The following TEX11 variants were observed in gnomAD, a reference collection of about 807,000 sequenced individuals.
The protein encoded by TEX11 is testis expressed 11.
Under a neutral mutation model 84.4 loss-of-function variants are expected in TEX11, and 7 were observed. The observed-to-expected ratio is 0.08, with a 90% CI of 0.05 to 0.16. The LOEUF (loss-of-function observed/expected upper bound fraction) is 0.16, where lower values mean the gene tolerates loss of function less well. Ranked by LOEUF, TEX11 falls within the 10% of genes least tolerant of loss-of-function variation. The pLI is 1.00. For missense variants in TEX11, 551 were observed against 660.5 expected (o/e 0.83, Z 1.82); for synonymous variants, 264 against 222.8 (o/e 1.18, Z -1.64).
chrX:70,764,272 C>A (rs111744366), intron 9 of TEX11, among the ~76,000 whole-genome samples: 1 of 111,614 alleles, frequency 9.0e-6, no homozygotes, highest in African/African-American at 3.3e-5. Context: ...TGAAAATTTT[C>A]TGGAAACAAA....
At chrX:70,669,334 G>A (rs985604665) in intron 16 of TEX11, among the ~76,000 whole-genome samples, 23 of 111,854 alleles carry the variant, frequency 2.1e-4, no homozygotes, top group African/African-American at 6.8e-4. Context: ...AAGGCTCTGT[G>A]ATTGCCTTCT....
intron 13 of TEX11, among the ~76,000 whole-genome samples, chrX:70,717,810 T>TA (rs982142579): frequency 8.9e-5 from 10 of 112,130 alleles, no homozygotes; most frequent in Non-Finnish European, 1.3e-4. Context: ...AAGCAGACTG[T>TA]AAAAAAATCC....
chrX:70,711,678 T>C (rs1361412427), intron 13 of TEX11, among the ~76,000 whole-genome samples: 2 of 111,987 alleles, frequency 1.8e-5, no homozygotes, highest in Non-Finnish European at 3.8e-5. Flanking sequence ...CTTTGTAGAT[T>C]CTGGATATTA....
At chrX:70,856,455 T>C (rs2091537106) in intron 5 of TEX11, among the ~76,000 whole-genome samples, 1 of 111,285 alleles carries the variant, frequency 9.0e-6, no homozygotes, top group Non-Finnish European at 1.9e-5. Flanking sequence ...GTGTAATATT[T>C]GCATATAACC....
chrX:70,584,333 T>C (rs2088824028), intron 25 of TEX11, among the ~76,000 whole-genome samples: 1 of 110,764 alleles, frequency 9.0e-6, no homozygotes, highest in Non-Finnish European at 1.9e-5. Flanking sequence ...GCACACAAAT[T>C]ACTAAATTGA....
chrX:70,813,449 T>G (rs954432107), intron 8 of TEX11, among the ~76,000 whole-genome samples: 1 of 111,673 alleles, frequency 9.0e-6, no homozygotes, highest in Non-Finnish European at 1.9e-5. Context: ...GGATGTATCT[T>G]GAAATAATAA....
chrX:70,782,719 C>T (rs930422003), intron 9 of TEX11, among the ~76,000 whole-genome samples: 1 of 96,494 alleles, frequency 1.0e-5, no homozygotes, highest in Non-Finnish European at 2.0e-5. Context: ...CAGTAAAGAT[C>T]AAAAAAGACA....
intron 9 of TEX11, among the ~76,000 whole-genome samples, chrX:70,749,779 A>C (rs1258981187): frequency 9.3e-6 from 1 of 107,401 alleles, no homozygotes; most frequent in Non-Finnish European, 1.9e-5. Context: ...AGCCCACTTG[A>C]TCATGGTGGA....
At chrX:70,761,241 C>G (rs1343676867) in intron 9 of TEX11, among the ~76,000 whole-genome samples, 1 of 111,591 alleles carries the variant, frequency 9.0e-6, no homozygotes, top group Non-Finnish European at 1.9e-5. Flanking sequence ...ACCATTTGAC[C>G]CAGCCATCCC....
chrX:70,529,764 T>C (rs2087860124), intron 29 of TEX11, 71 bp downstream of exon 29: 16 of 1,071,334 alleles, frequency 1.5e-5, no homozygotes, highest in Non-Finnish European at 2.0e-5. Context: ...GGTTGAGTCC[T>C]TGTGGAGAGC....
chrX:70,713,151 A>C (rs1306361625), intron 13 of TEX11, among the ~76,000 whole-genome samples: 1 of 111,673 alleles, frequency 9.0e-6, no homozygotes, highest in South Asian at 3.8e-4. Flanking sequence ...CCACTTGATC[A>C]TGGTGGAGAA....
chrX:70,601,989 C>A (rs1158526781), intron 24 of TEX11, among the ~76,000 whole-genome samples: 2 of 111,390 alleles, frequency 1.8e-5, no homozygotes, highest in African/African-American at 6.5e-5. Context: ...CCCCACCCTT[C>A]CCGCCTTTCT....
intron 11 of TEX11, among the ~76,000 whole-genome samples, chrX:70,731,118 G>A (rs956605906): frequency 1.3e-4 from 15 of 111,600 alleles, no homozygotes; most frequent in South Asian, 1.1e-3. Flanking sequence ...GAACAAAGAC[G>A]CAACATACCA....
intron 8 of TEX11, among the ~76,000 whole-genome samples, chrX:70,832,711 G>A (rs2091383388): frequency 1.8e-5 from 2 of 111,618 alleles, no homozygotes; most frequent in Non-Finnish European, 1.9e-5. Flanking sequence ...AATGGAAAGG[G>A]AAGATAAAAT....
intron 7 of TEX11, chrX:70,846,096 C>A (rs1380811627): frequency 9.0e-6 from 1 of 111,424 alleles, no homozygotes; most frequent in African/African-American, 3.3e-5. Flanking sequence ...CAGATTGCAT[C>A]CTTTCCTTCC....
intron 8 of TEX11, among the ~76,000 whole-genome samples, chrX:70,817,232 C>T (rs1057108537): frequency 1.2e-5 from 1 of 85,817 alleles, no homozygotes; most frequent in Non-Finnish European, 2.3e-5. Context: ...CATACACATA[C>T]ACACACACAC....
intron 4 of TEX11, among the ~76,000 whole-genome samples, chrX:70,864,487 C>T (rs971001107): frequency 2.7e-5 from 3 of 109,603 alleles, no homozygotes; most frequent in Admixed American, 9.8e-5. Flanking sequence ...CCTGTAATCC[C>T]AGCACTTTGG....
At chrX:70,828,442 T>C (rs2091358666) in intron 8 of TEX11, among the ~76,000 whole-genome samples, 1 of 110,141 alleles carries the variant, frequency 9.1e-6, no homozygotes, top group Non-Finnish European at 1.9e-5. Context: ...AAAATGCAAT[T>C]GACATGCTTA....
intron 11 of TEX11, among the ~76,000 whole-genome samples, chrX:70,734,717 C>T (rs1469257180): frequency 1.8e-5 from 2 of 112,053 alleles, no homozygotes; most frequent in Non-Finnish European, 3.8e-5. Flanking sequence ...GCTTCACTAC[C>T]TAGGAGTGAA....
Sources: gnomAD v4.1 joint callset for allele counts (sites outside exome capture counted in the v4.1 genomes callset) on GRCh38, gnomAD v4.1.1 for gene constraint, MANE v1.5 for transcripts, NCBI Gene and HGNC (gene_info 2026-07-23, HGNC 2026-07-21) for gene names.